POLD3: variants seen among roughly 807,000 people sequenced by gnomAD.
POLD3 encodes the protein DNA polymerase delta 3, accessory subunit.
In POLD3, 19 loss-of-function variants were observed where a neutral mutation model predicts 58.2. The ratio of observed to expected loss-of-function variants is 0.33; its 90% CI spans 0.23 to 0.48. The LOEUF (loss-of-function observed/expected upper bound fraction) is 0.48. Among genes scored for constraint, POLD3 ranks in the 20% least tolerant of loss-of-function variants. POLD3 has a pLI of 0.99. For synonymous variants in POLD3, 172 were observed against 193.5 expected, an observed-to-expected ratio of 0.89 and a Z score of 0.92; for missense variants, 504 against 545.5, an observed-to-expected ratio of 0.92 and a Z score of 0.76.
intron 4 of POLD3, among the ~76,000 whole-genome samples, chr11:74,652,229 A>G (rs935293062): frequency 6.6e-5 from 10 of 152,238 alleles, no homozygotes; most frequent in South Asian, 4.1e-4. Flanking sequence ...TCTGTTAGCA[A>G]CAAATCCCTC....
chr11:74,619,579 A>C (rs531824324), intron 6 of POLD3, among the ~76,000 whole-genome samples: 1 of 152,288 alleles, frequency 6.6e-6, no homozygotes, highest in East Asian at 1.9e-4. Context: ...GTAAAACTGA[A>C]ACCTAGACTT....
intron 4 of POLD3, among the ~76,000 whole-genome samples, chr11:74,661,566 G>A (rs1031549677): frequency 2.0e-5 from 3 of 152,158 alleles, no homozygotes; most frequent in African/African-American, 4.8e-5. Context: ...GTGCTGAGCC[G>A]CCTGGAGCTG....
At chr11:74,607,447 T>C (rs1262738217) in intron 3 of POLD3, among the ~76,000 whole-genome samples, 4 of 149,760 alleles carry the variant, frequency 2.7e-5, no homozygotes, top group African/African-American at 9.8e-5. Context: ...TTTTGTATTT[T>C]TAGTAGAGAC....
intron 11 of POLD3, chr11:74,638,664 T>C (rs1591319885): frequency 2.2e-6 from 1 of 455,956 alleles, no homozygotes; most frequent in African/African-American, 2.0e-5. Flanking sequence ...TGGGGTCTAA[T>C]TGCTGAACGA....
intron 8 of POLD3, among the ~76,000 whole-genome samples, chr11:74,628,154 T>C (rs1180349568): frequency 6.6e-6 from 1 of 152,156 alleles, no homozygotes; most frequent in Non-Finnish European, 1.5e-5. Context: ...ACCCGTTCAT[T>C]ATATAACTTT....
In POLD3 at chr11:74,637,648, G is replaced by A. The variant is rs117145601; in HGVS notation, c.1198+1373G>A. ...GTCAAACGTCTTTGTGAGAGTGAGA[G>A]TTCATTGGGAATTTGTGGGTAATTA... On this transcript the variant is annotated intron_variant, in intron 11 of 11. Transcript: ENST00000263681. Among the ~76,000 whole-genome samples, 930 of 151,930 alleles carry A rather than the reference G, an allele frequency of 6.1e-3. 3 individuals carry two copies. The highest frequency in any genetic ancestry group is 0.014 in the Middle Eastern group (4 of 294).
Position 74,618,616 on chromosome 11 carries a change from T to C in POLD3, c.472T>C (p.Ser158Pro), listed in dbSNP as rs1239451039. 6.2e-7 allele frequency: 1 copy of C among 1,614,064 alleles called. No individual in the cohort carries two copies. The change falls in exon 6 of 12, where the codon TCA (serine) becomes CCA (proline). Residue 158 changes from serine to proline, a missense_variant. Ser to Pro is a moderately conservative substitution (Grantham distance 74, BLOSUM62 -1). This residue lies in a region of POLD3 where 385 missense variants were observed against 370.5 expected (regional missense o/e 1.04). Coordinates refer to ENST00000263681, the MANE Select transcript of POLD3 (RefSeq NM_006591.3). ...SSSSSKKFEQSHLHMSSETQA... is the reference protein window; with the variant it reads ...SSSSSKKFEQPHLHMSSETQA... ...TTCGTCTTCCAAAAAGTTTGAGCAG[T>C]CACATCTTCACATGTCAAGTGAGAC... is the stretch of plus-strand genomic sequence containing the variant.
chr11:74,663,952 A>G (rs2033235162), intron 4 of POLD3, among the ~76,000 whole-genome samples: 1 of 152,200 alleles, frequency 6.6e-6, no homozygotes, highest in African/African-American at 2.4e-5. Flanking sequence ...CCCAATTAAA[A>G]TCTAATTTTT....
intron 4 of POLD3, among the ~76,000 whole-genome samples, chr11:74,667,137 G>T (rs188109893): frequency 5.7e-4 from 86 of 150,904 alleles, no homozygotes; most frequent in African/African-American, 1.9e-3. Context: ...ATGGAGAGTT[G>T]TCCAGTTGTC....
Position 74,620,540 on chromosome 11 carries a change from A to G in POLD3, c.733+451A>G, listed in dbSNP as rs145520091. ...GCCTTTCTTCAGTTATTTTTTGCAG[A>G]TTACTCACAGTAATGAATTAGACTT... On this transcript the variant is annotated intron_variant, in intron 7 of 11. Coordinates refer to ENST00000263681, the MANE Select transcript of POLD3 (RefSeq NM_006591.3). Among the ~76,000 whole-genome samples, 1,509 of 152,292 alleles carry G rather than the reference A, an allele frequency of 9.9e-3. 11 individuals carry two copies. Among genetic ancestry groups the G allele is most frequent in the Non-Finnish European group, 0.015 (1,052 of 68,032 alleles).
intron 4 of POLD3, among the ~76,000 whole-genome samples, chr11:74,656,790 C>T (rs1177154735): frequency 4.0e-5 from 6 of 150,912 alleles, no homozygotes; most frequent in African/African-American, 1.5e-4. Context: ...TGTGACCCAA[C>T]ATATGGTCTA....
rs367938731 is a variant in POLD3 at position 74,667,936 on chromosome 11, A to G, written c.370-841A>G. Among the ~76,000 whole-genome samples, 77 of 152,392 alleles carry G rather than the reference A, an allele frequency of 5.1e-4. 1 individual carries two copies. Among genetic ancestry groups the G allele is most frequent in the African/African-American group, 1.7e-3 (72 of 41,602 alleles). On this transcript the variant is annotated intron_variant, in intron 4 of 4. Transcript: ENST00000524752. ...AAAGACATTTCTTCAAAGAATATAT[A>G]CAAATGACCAACAAACATCAAAACA...
intron 4 of POLD3, among the ~76,000 whole-genome samples, chr11:74,612,538 C>A (rs1340274213): frequency 6.6e-6 from 1 of 152,140 alleles, no homozygotes; most frequent in Non-Finnish European, 1.5e-5. Context: ...TTACTTAGTA[C>A]TCTTTAATTA....
chr11:74,668,199 A>G (rs910998149), intron 4 of POLD3, among the ~76,000 whole-genome samples: 4 of 152,228 alleles, frequency 2.6e-5, no homozygotes, highest in Non-Finnish European at 1.5e-5. Context: ...GAGTTACCCT[A>G]TGACCCAGAA....
chr11:74,642,188 TTTA>T lies in POLD3; in HGVS notation c.*1423_*1425del. ...TGACTTTGGGATTAACATGAGCTTC[TTTA>T]GCAACCAAGCATGAACTTGATTAAG... On this transcript the variant is annotated 3_prime_UTR_variant, in exon 12 of 12. Transcript: ENST00000263681. 1.0e-6 allele frequency: 1 copy of T among 985,440 alleles called. No individual in the cohort carries two copies. 61.0% of individuals were successfully genotyped at this position (985,440 alleles called of 1,614,324 possible).
intron 9 of POLD3, among the ~76,000 whole-genome samples, chr11:74,631,948 C>T (rs1204371313): frequency 6.6e-6 from 1 of 152,092 alleles, no homozygotes; most frequent in Non-Finnish European, 1.5e-5. Flanking sequence ...GTTCCTTTCT[C>T]TTTTACCCCT....
chr11:74,668,663 G>A (rs1207953540), intron 4 of POLD3: 4 of 650,968 alleles, frequency 6.1e-6, no homozygotes, highest in Non-Finnish European at 9.7e-6. Flanking sequence ...TAAGGGGTGG[G>A]TGGGAACATT....
In POLD3 at chr11:74,641,870, G is replaced by A. The variant is rs2032922279; in HGVS notation, c.*1104G>A. 1.0e-6 allele frequency: 1 copy of A among 985,142 alleles called. No individual in the cohort carries two copies. Among genetic ancestry groups the A allele is most frequent in the Non-Finnish European group, 1.2e-6 (1 of 829,828 alleles). 61.0% of individuals were successfully genotyped at this position (985,142 alleles called of 1,614,324 possible). On this transcript the variant is annotated 3_prime_UTR_variant, in exon 12 of 12. Transcript: ENST00000263681. Reference sequence around the variant, plus strand: ...TGGAGAGGGAGAGACTGAATTGTTAGTAGGTCTAAACATCAAAGAAAACAT... The same window carrying A: ...TGGAGAGGGAGAGACTGAATTGTTAATAGGTCTAAACATCAAAGAAAACAT...
At chr11:74,644,932 G>C (rs2032980643), downstream of POLD3, among the ~76,000 whole-genome samples, 1 of 152,154 alleles carries the variant, frequency 6.6e-6, no homozygotes, top group African/African-American at 2.4e-5. Context: ...ACTTTGTTTA[G>C]TGTCTGTTTG....
Sources: allele counts gnomAD v4.1 joint callset (sites outside exome capture counted in the v4.1 genomes callset), GRCh38; gene constraint gnomAD v4.1.1; regional missense constraint gnomAD v4.1.1; transcripts MANE v1.5; gene names NCBI Gene and HGNC (gene_info 2026-07-23, HGNC 2026-07-21).